The following SMAD4 variants were observed in gnomAD, a reference collection of about 807,000 sequenced individuals.
SMAD4 encodes MAD homolog 4.
Under a neutral mutation model 63.2 loss-of-function variants are expected in SMAD4, and 7 were observed. The ratio of observed to expected loss-of-function variants is 0.11; its 90% CI spans 0.06 to 0.21. The LOEUF is 0.21. SMAD4 is among the 10% of genes least tolerant of loss of function. SMAD4 has a pLI of 1.00. For missense variants in SMAD4, 312 were observed against 693.8 expected (o/e 0.45, Z 6.18); for synonymous variants, 215 against 235.4 (o/e 0.91, Z 0.79).
Position 51,061,928 on chromosome 18 carries a change from C to CT in SMAD4, c.955+2015dup, listed in dbSNP as rs893701318. Among the ~76,000 whole-genome samples, 12 of 152,144 alleles carry CT rather than the reference C, an allele frequency of 7.9e-5. No homozygotes were observed. In the East Asian group the frequency reaches 9.7e-4, roughly 12 times the overall value. On this transcript the variant is annotated intron_variant, in intron 8 of 11. Coordinates refer to ENST00000342988, the MANE Select transcript of SMAD4 (RefSeq NM_005359.6). ...TGTTTAAAAAAATAGAAGGGAACAT[C>CT]TTTGTGTTTATAACTTTTCTCATAT...
In SMAD4 at chr18:51,067,133, T is replaced by G. The variant is rs1186154913; in HGVS notation, c.1254T>G (p.Ala418=). Residue 418 remains alanine (A), a synonymous_variant, in exon 10 of 12, where the codon GCT becomes GCG. Coordinates refer to ENST00000342988, the MANE Select transcript of SMAD4 (RefSeq NM_005359.6). ...FVQSYYLDRE[A]GRAPGDAVHK... The stretch of plus-strand genomic sequence containing the variant: ...AGAGTTACTACTTAGACAGAGAAGC[T>G]GGGCGTGCACCTGGAGATGCTGTTC... The G allele has an allele frequency of 6.2e-7, 1 of 1,610,726 alleles. No individual in the cohort carries two copies. Among genetic ancestry groups the G allele is most frequent in the Non-Finnish European group, 8.5e-7 (1 of 1,176,998 alleles).
At chr18:51,051,387 A>G (rs1389413105) in intron 4 of SMAD4, 2 of 456,228 alleles carry the variant, frequency 4.4e-6, no homozygotes, top group Non-Finnish European at 8.8e-6. Flanking sequence ...CTCCTTCTAG[A>G]TTTGGACAAA....
Position 51,083,916 on chromosome 18 carries a change from T to G in SMAD4, c.*5449T>G, listed in dbSNP as rs1910673144. Reference sequence around the variant, plus strand: ...TTACTGTTCTTTTATGGACAAAAGGTTACATAGTATGCCCTTAAGACTTAA... The same window carrying G: ...TTACTGTTCTTTTATGGACAAAAGGGTACATAGTATGCCCTTAAGACTTAA... On this transcript the variant is annotated 3_prime_UTR_variant, in exon 12 of 12. Coordinates refer to ENST00000342988, the MANE Select transcript of SMAD4 (RefSeq NM_005359.6). 4.3e-6 allele frequency: 1 copy of G among 231,204 alleles called. No homozygotes were observed. The allele number at this position is 231,204 out of a possible 1,614,324, so 14.3% of individuals were successfully genotyped here.
At chr18:51,075,322 A>G (rs1320835752) in intron 10 of SMAD4, among the ~76,000 whole-genome samples, 6 of 152,230 alleles carry the variant, frequency 3.9e-5, no homozygotes, top group Admixed American at 1.3e-4. Context: ...ACTATTGTTT[A>G]TCATCAACTA....
intron 1 of SMAD4, among the ~76,000 whole-genome samples, chr18:51,034,649 A>G (rs1299938641): frequency 1.3e-5 from 2 of 152,106 alleles, no homozygotes; most frequent in East Asian, 1.9e-4. Flanking sequence ...GGCTCAAGCA[A>G]TCCCACTTCA....
At chr18:51,055,508 C>G (rs191101588) in intron 5 of SMAD4, among the ~76,000 whole-genome samples, 24 of 149,298 alleles carry the variant, frequency 1.6e-4, no homozygotes, top group African/African-American at 4.5e-4. Context: ...TTCTATATCT[C>G]TTTTTAAAAT....
rs1910697605 is a variant in SMAD4, at chr18:51,084,371, TC to T, written c.*5905del. 4.3e-6 allele frequency: 1 copy of T among 230,022 alleles called. No homozygotes were observed. The highest frequency in any genetic ancestry group is 1.8e-4 in the South Asian group (1 of 5,502). 14.2% of individuals were successfully genotyped at this position (230,022 alleles called of 1,614,324 possible). ...GATGATTATTAACTTTATTCTTGGC[TC>T]TTTTTAGGTCCATTTTGATTAAGTG... On this transcript the variant is annotated 3_prime_UTR_variant, in exon 12 of 12. Transcript: ENST00000342988.
intron 10 of SMAD4, among the ~76,000 whole-genome samples, chr18:51,072,755 A>T (rs1461021667): frequency 6.6e-6 from 1 of 152,224 alleles, no homozygotes; most frequent in Non-Finnish European, 1.5e-5. Context: ...TTAAAGCAGA[A>T]ATTAGCTCAG....
In SMAD4 at chr18:51,035,847, T is replaced by C. The variant is rs536660542; in HGVS notation, c.-128+5224T>C. 5.1e-4 allele frequency among the ~76,000 whole-genome samples: 77 copies of C among 152,226 alleles called. 2 individuals carry two copies. In the South Asian group the frequency reaches 0.016, roughly 31 times the overall value. On this transcript the variant is annotated intron_variant, in intron 1 of 11. Coordinates refer to ENST00000342988, the MANE Select transcript of SMAD4 (RefSeq NM_005359.6). The stretch of plus-strand genomic sequence containing the variant: ...AGAGCTATTTAAAAAAATAAAAATA[T>C]TTTTTCCCATCTGATTGCAACACAC...
chr18:51,041,203 G>GT (rs1909369300), intron 1 of SMAD4, among the ~76,000 whole-genome samples: 2 of 152,234 alleles, frequency 1.3e-5, no homozygotes, highest in South Asian at 2.1e-4. Flanking sequence ...ATCTAATGCT[G>GT]TTTTTTCTCC....
chr18:51,078,529 T>C lies in SMAD4; in HGVS notation c.*62T>C, dbSNP rs1421930494. 3 of 1,106,602 alleles carry C rather than the reference T, an allele frequency of 2.7e-6. No individual in the cohort carries two copies. Among genetic ancestry groups the C allele is most frequent in the Non-Finnish European group, 4.0e-6 (3 of 741,432 alleles). The allele number at this position is 1,106,602 out of a possible 1,614,324, so 68.5% of individuals were successfully genotyped here. A position where few individuals can be genotyped will look rare whatever the true frequency, so the allele number is the denominator to read the frequency against. On this transcript the variant is annotated 3_prime_UTR_variant, in exon 12 of 12. Coordinates refer to ENST00000342988, the MANE Select transcript of SMAD4 (RefSeq NM_005359.6). The stretch of plus-strand genomic sequence containing the variant: ...TGGTGGACTACAAAATACAATCCTG[T>C]TTATAATCTGAAGATATATTTCACT...
chr18:51,055,992 C>T (rs1368985717), intron 5 of SMAD4, among the ~76,000 whole-genome samples: 1 of 152,156 alleles, frequency 6.6e-6, no homozygotes, highest in Admixed American at 6.5e-5. Context: ...TAATTCATTA[C>T]ACCACTTCAA....
chr18:51,031,830 C>T (rs1295699112), intron 1 of SMAD4, among the ~76,000 whole-genome samples: 1 of 151,684 alleles, frequency 6.6e-6, no homozygotes, highest in African/African-American at 2.4e-5. Context: ...TTTTGCCATA[C>T]CCTGCAGAGA....
At chr18:51,037,735 A>G (rs555959433) in intron 1 of SMAD4, among the ~76,000 whole-genome samples, 170 of 152,298 alleles carry the variant, frequency 1.1e-3, no homozygotes, top group Admixed American at 3.1e-3. Flanking sequence ...TTAGTGGGAC[A>G]CCATTTTTAT....
chr18:51,084,006 GCGCGCGCACACACACACA>G lies in SMAD4; in HGVS notation c.*5541_*5558del, dbSNP rs1473317539. 29 of 201,682 alleles carry G rather than the reference GCGCGCGCACACACACACA, an allele frequency of 1.4e-4. No individual in the cohort carries two copies. The highest frequency in any genetic ancestry group is 4.6e-4 in the East Asian group (7 of 15,372). The allele number at this position is 201,682 out of a possible 1,614,324, so 12.5% of individuals were successfully genotyped here. ...AAACACTTAACGCGCGTGCGCACGC[GCGCGCGCACACACACACA>G]CACACACACACACACACACAGGTCA... On this transcript the variant is annotated 3_prime_UTR_variant, in exon 12 of 12. Coordinates refer to ENST00000342988, the MANE Select transcript of SMAD4 (RefSeq NM_005359.6).
intron 11 of SMAD4, among the ~76,000 whole-genome samples, chr18:51,077,989 T>C (rs1423691729): frequency 6.6e-6 from 1 of 152,030 alleles, no homozygotes; most frequent in African/African-American, 2.4e-5. Flanking sequence ...AAGAAAAAAA[T>C]AGGTGAGGTG....
rs1257858445 is a variant in SMAD4 at position 51,049,280 on chromosome 18, C to T, written c.425-15C>T. The stretch of plus-strand genomic sequence containing the variant: ...TGATTAATGTTTCATTTGTTTTCCC[C>T]TTTAAACAATTAAGATCTCTCAGGA... On this transcript the variant is annotated splice_polypyrimidine_tract_variant and intron_variant, in intron 3 of 11. Transcript: ENST00000342988. The T allele has an allele frequency of 6.5e-7, 1 of 1,547,682 alleles. No individual in the cohort carries two copies. Among genetic ancestry groups the T allele is most frequent in the South Asian group, 1.1e-5 (1 of 89,550 alleles).
chr18:51,051,450 C>A (rs544316628), intron 4 of SMAD4: 1 of 451,782 alleles, frequency 2.2e-6, no homozygotes, highest in South Asian at 1.6e-5. Context: ...ACAGTTCCTT[C>A]ATTTTTGAGT....
chr18:51,054,745 T>G, intron 4 of SMAD4, 36 bp from the exon 5 acceptor site: 2 of 1,459,052 alleles, frequency 1.4e-6, no homozygotes, highest in Non-Finnish European at 1.9e-6. Flanking sequence ...AATAGAAGCT[T>G]ATAAAAATTT....
Sources: gnomAD v4.1 joint callset for allele counts (sites outside exome capture counted in the v4.1 genomes callset) on GRCh38, gnomAD v4.1.1 for gene constraint, MANE v1.5 for transcripts, NCBI Gene and HGNC (gene_info 2026-07-23, HGNC 2026-07-21) for gene names.